DPP10: variants seen among roughly 807,000 people sequenced by gnomAD.
DPP10 encodes the protein dipeptidyl peptidase like 10.
In DPP10, 33 loss-of-function variants were observed where a neutral mutation model predicts 120.9. That is an observed-to-expected ratio of 0.27 (90% CI 0.21 to 0.37). The LOEUF (loss-of-function observed/expected upper bound fraction) is 0.37, where lower values mean the gene tolerates loss of function less well. Ranked by LOEUF, DPP10 falls within the 10% of genes least tolerant of loss-of-function variation. DPP10 has a pLI of 1.00. For synonymous variants in DPP10, 337 were observed against 326.1 expected, an observed-to-expected ratio of 1.03 and a Z score of -0.36; for missense variants, 816 against 942.8, an observed-to-expected ratio of 0.87 and a Z score of 1.76.
At chr2:115,714,605 A>G (rs2092428703) in intron 7 of DPP10, among the ~76,000 whole-genome samples, 1 of 152,208 alleles carries the variant, frequency 6.6e-6, no homozygotes, top group South Asian at 2.1e-4. Flanking sequence ...TCTAGCATAC[A>G]TGTCTTTGCC....
intron 1 of DPP10, among the ~76,000 whole-genome samples, chr2:115,293,422 T>A (rs556690876): frequency 6.6e-6 from 1 of 152,234 alleles, no homozygotes; most frequent in East Asian, 1.9e-4. Context: ...TATTTACACC[T>A]TCCAATTGTT....
chr2:115,070,349 A>T (rs1707266571), intron 1 of DPP10, among the ~76,000 whole-genome samples: 1 of 152,294 alleles, frequency 6.6e-6, no homozygotes, highest in African/African-American at 2.4e-5. Context: ...AACTAAAAAG[A>T]ACTAGACCAC....
At chr2:114,901,675 G>C (rs560634733) in intron 1 of DPP10, among the ~76,000 whole-genome samples, 2 of 152,184 alleles carry the variant, frequency 1.3e-5, no homozygotes, top group African/African-American at 4.8e-5. Context: ...AATTGGCTTA[G>C]CTTACACATT....
intron 1 of DPP10, among the ~76,000 whole-genome samples, chr2:114,548,000 G>A (rs1273277169): frequency 1.3e-5 from 2 of 152,072 alleles, no homozygotes; most frequent in Non-Finnish European, 2.9e-5. Flanking sequence ...CCCACTGCAG[G>A]GACCACAGTT....
chr2:114,501,393 T>C (rs1027806369), intron 1 of DPP10, among the ~76,000 whole-genome samples: 2 of 152,336 alleles, frequency 1.3e-5, no homozygotes, highest in Non-Finnish European at 2.9e-5. Flanking sequence ...AGCCTTTGTG[T>C]TTTGATGAAC....
chr2:115,392,443 A>AT (rs935505478), intron 3 of DPP10, among the ~76,000 whole-genome samples: 1 of 145,622 alleles, frequency 6.9e-6, no homozygotes, highest in African/African-American at 2.5e-5. Flanking sequence ...TTACTTTTTC[A>AT]TTTTTTAATT....
intron 1 of DPP10, among the ~76,000 whole-genome samples, chr2:114,967,476 G>A (rs1574595435): frequency 1.3e-5 from 2 of 152,202 alleles, no homozygotes; most frequent in African/African-American, 4.8e-5. Flanking sequence ...CTGGCATAGA[G>A]GGTTGGGCTT....
At chr2:115,004,808 C>T (rs1251368410) in intron 1 of DPP10, among the ~76,000 whole-genome samples, 1 of 152,164 alleles carries the variant, frequency 6.6e-6, no homozygotes, top group African/African-American at 2.4e-5. Context: ...CCCACCATTG[C>T]CCAGGCTTGC....
At chr2:115,637,655 T>C (rs1431273380) in intron 5 of DPP10, among the ~76,000 whole-genome samples, 1 of 152,140 alleles carries the variant, frequency 6.6e-6, no homozygotes, top group East Asian at 1.9e-4. Context: ...ATACTAAAAC[T>C]CTTATTGAAT....
chr2:114,609,524 T>G (rs1005379336), intron 1 of DPP10, among the ~76,000 whole-genome samples: 2 of 152,030 alleles, frequency 1.3e-5, no homozygotes, highest in African/African-American at 2.4e-5. Flanking sequence ...AGTCAGGAGG[T>G]GAAGCCAAGA....
intron 19 of DPP10, among the ~76,000 whole-genome samples, chr2:115,809,328 C>T (rs1358153265): frequency 6.6e-6 from 1 of 152,152 alleles, no homozygotes; most frequent in African/African-American, 2.4e-5. Context: ...GCAACTAAAT[C>T]ATCATGGATT....
intron 1 of DPP10, among the ~76,000 whole-genome samples, chr2:115,273,374 C>T (rs1001800524): frequency 2.6e-5 from 4 of 152,056 alleles, no homozygotes; most frequent in African/African-American, 7.2e-5. Context: ...CCGAGTCTCC[C>T]TCTGTGGCCC....
At chr2:115,543,550 C>T (rs1184883381) in intron 5 of DPP10, among the ~76,000 whole-genome samples, 3 of 151,920 alleles carry the variant, frequency 2.0e-5, no homozygotes, top group Non-Finnish European at 4.4e-5. Flanking sequence ...TAATTCTGTA[C>T]TATGTAATTG....
At chr2:114,509,785 A>G (rs1340406491) in intron 1 of DPP10, among the ~76,000 whole-genome samples, 1 of 152,238 alleles carries the variant, frequency 6.6e-6, no homozygotes, top group Non-Finnish European at 1.5e-5. Context: ...TCAGATGCCA[A>G]TTTGGAAATG....
At chr2:115,247,251 G>T (rs1452160826) in intron 1 of DPP10, among the ~76,000 whole-genome samples, 1 of 152,044 alleles carries the variant, frequency 6.6e-6, no homozygotes, top group Admixed American at 6.6e-5. Flanking sequence ...AGTTGGTGAG[G>T]TGCCTGCATG....
At chr2:115,560,456 A>G (rs1238633552) in intron 5 of DPP10, among the ~76,000 whole-genome samples, 2 of 108,566 alleles carry the variant, frequency 1.8e-5, no homozygotes, top group African/African-American at 6.8e-5. Flanking sequence ...ACGACAAGCT[A>G]CTGATTTAAG....
chr2:114,561,956 T>C (rs1034046037), intron 1 of DPP10, among the ~76,000 whole-genome samples: 2 of 152,220 alleles, frequency 1.3e-5, no homozygotes, highest in African/African-American at 4.8e-5. Flanking sequence ...GGCACAGCAG[T>C]CATTTAATTT....
intron 4 of DPP10, among the ~76,000 whole-genome samples, chr2:115,503,082 C>A (rs371117089): frequency 6.6e-6 from 1 of 152,064 alleles, no homozygotes; most frequent in Non-Finnish European, 1.5e-5. Flanking sequence ...CTCTGAAACT[C>A]TGTAAGCCTA....
intron 1 of DPP10, among the ~76,000 whole-genome samples, chr2:115,197,213 G>A (rs2055345661): frequency 3.3e-5 from 5 of 152,008 alleles, no homozygotes. Context: ...CCAATATGGT[G>A]AAACCCCATC....
Sources: allele counts gnomAD v4.1 joint callset (sites outside exome capture counted in the v4.1 genomes callset), GRCh38; gene constraint gnomAD v4.1.1; transcripts MANE v1.5; gene names NCBI Gene and HGNC (gene_info 2026-07-23, HGNC 2026-07-21).